Variants in ARF1 observed in about 807,000 individuals in gnomAD.
ARF1 encodes the protein ADP-ribosylation factor 1.
In ARF1, 1 loss-of-function variant was observed where a neutral mutation model predicts 18.0. The ratio of observed to expected loss-of-function variants is 0.06; its 90% CI spans 0.02 to 0.26. The LOEUF is 0.26. ARF1 is among the 10% of genes least tolerant of loss of function. ARF1 has a pLI of 1.00. For synonymous variants in ARF1, 112 were observed against 96.3 expected (o/e 1.16, Z -0.95); for missense variants, 73 against 247.2 (o/e 0.30, Z 4.73).
Position 228,089,086 on chromosome 1 carries a change from A to G in ARF1, c.-38+6321A>G, listed in dbSNP as rs1453913838. ...AGGGAGGCTACTCGCATCACAGCGGAGAATGCCTGTTGGGTTTGGGAGGGG... is the reference window on the plus strand; with the variant it reads ...AGGGAGGCTACTCGCATCACAGCGGGGAATGCCTGTTGGGTTTGGGAGGGG... On this transcript the variant is annotated intron_variant, in intron 1 of 4. Transcript: ENST00000272102. The surrounding 1 kb of genome is among the most constrained non-coding windows in gnomAD (Gnocchi z 4.1). 6.6e-6 allele frequency among the ~76,000 whole-genome samples: 1 copy of G among 152,086 alleles called. No homozygotes were observed. The highest frequency in any genetic ancestry group is 6.5e-5 in the Admixed American group (1 of 15,276).
At chr1:228,091,605 TC>T (rs2032578995) in intron 1 of ARF1, among the ~76,000 whole-genome samples, 1 of 152,152 alleles carries the variant, frequency 6.6e-6, no homozygotes, top group African/African-American at 2.4e-5. Flanking sequence ...TGTCTTCCCC[TC>T]TGAGCATGCC....
Position 228,089,716 on chromosome 1 carries a change from A to T in ARF1, c.-38+6951A>T, listed in dbSNP as rs1023706158. Among the ~76,000 whole-genome samples, 10 of 152,040 alleles carry T rather than the reference A, an allele frequency of 6.6e-5. No homozygotes were observed. Among genetic ancestry groups the T allele is most frequent in the African/African-American group, 2.4e-4 (10 of 41,404 alleles). On this transcript the variant is annotated intron_variant, in intron 1 of 4. Coordinates refer to ENST00000272102, the MANE Select transcript of ARF1 (RefSeq NM_001658.4). This position sits in a 1 kb window ranked among gnomAD's most constrained non-coding sequence, Gnocchi z 4.1. ...GCAACTTGCTCTCCCAGTTTATGAC[A>T]GCAACACCAGCAGTGTGCTGTTCCA...
At chr1:228,091,270 T>C (rs748377047) in intron 1 of ARF1, among the ~76,000 whole-genome samples, 18 of 152,186 alleles carry the variant, frequency 1.2e-4, no homozygotes, top group Non-Finnish European at 2.4e-4. Context: ...ATTTCACTGA[T>C]TGCCCCACCT....
At chr1:228,086,394 T>C (rs773742657) in intron 1 of ARF1, among the ~76,000 whole-genome samples, 2 of 151,748 alleles carry the variant, frequency 1.3e-5, no homozygotes, top group Non-Finnish European at 2.9e-5. Flanking sequence ...TGTGCACCTG[T>C]AGTCCCAGCT....
At chr1:228,092,303 C>T (rs1327842297) in intron 1 of ARF1, among the ~76,000 whole-genome samples, 4 of 152,124 alleles carry the variant, frequency 2.6e-5, no homozygotes, top group Admixed American at 1.3e-4. Flanking sequence ...TAAAAATCAG[C>T]TAGGCATGGT....
At chr1:228,095,396 C>T (rs1241689289) in intron 1 of ARF1, among the ~76,000 whole-genome samples, 3 of 152,148 alleles carry the variant, frequency 2.0e-5, no homozygotes, top group Non-Finnish European at 2.9e-5. Context: ...CATGGCTCAG[C>T]GCAGGCCTAA....
In ARF1 at chr1:228,089,050, T is replaced by G. The variant is rs1436101048; in HGVS notation, c.-38+6285T>G. 6.6e-6 allele frequency among the ~76,000 whole-genome samples: 1 copy of G among 152,070 alleles called. No homozygotes were observed. Among genetic ancestry groups the G allele is most frequent in the East Asian group, 1.9e-4 (1 of 5,194 alleles). On this transcript the variant is annotated intron_variant, in intron 1 of 4. Coordinates refer to ENST00000272102, the MANE Select transcript of ARF1 (RefSeq NM_001658.4). The surrounding 1 kb of genome is among the most constrained non-coding windows in gnomAD (Gnocchi z 4.1). ...GGAGGCTGGAGACGGGGTTCTTGCCTGGGGAACAGGAGGGAGGCTACTCGC... is the reference window on the plus strand; with the variant it reads ...GGAGGCTGGAGACGGGGTTCTTGCCGGGGGAACAGGAGGGAGGCTACTCGC...
chr1:228,090,076 G>A (rs2032529357), intron 1 of ARF1, among the ~76,000 whole-genome samples: 2 of 152,264 alleles, frequency 1.3e-5, no homozygotes, highest in Admixed American at 1.3e-4. Flanking sequence ...AGGTACAGGG[G>A]AACGCACTGC....
At chr1:228,093,759 A>C (rs912514876) in intron 1 of ARF1, among the ~76,000 whole-genome samples, 2 of 151,822 alleles carry the variant, frequency 1.3e-5, no homozygotes, top group Non-Finnish European at 2.9e-5. Context: ...CCCCGTCTCT[A>C]CTAAAAATAA....
chr1:228,092,265 A>G (rs1214969587), intron 1 of ARF1, among the ~76,000 whole-genome samples: 1 of 152,156 alleles, frequency 6.6e-6, no homozygotes, highest in Non-Finnish European at 1.5e-5. Flanking sequence ...CCTGGGCAGG[A>G]TAGCGAGACC....
At chr1:228,094,573 C>T (rs2032677818) in intron 1 of ARF1, among the ~76,000 whole-genome samples, 1 of 152,132 alleles carries the variant, frequency 6.6e-6, no homozygotes, top group African/African-American at 2.4e-5. Context: ...GTGTCCACTT[C>T]CTGCTCCAGT....
intron 1 of ARF1, among the ~76,000 whole-genome samples, chr1:228,094,312 T>A (rs2032665715): frequency 6.6e-6 from 1 of 152,088 alleles, no homozygotes; most frequent in Non-Finnish European, 1.5e-5. Flanking sequence ...TGTTAACTTG[T>A]ACAGTTAACA....
intron 1 of ARF1, among the ~76,000 whole-genome samples, chr1:228,085,143 T>C (rs980503403): frequency 1.3e-5 from 2 of 152,186 alleles, no homozygotes; most frequent in Non-Finnish European, 2.9e-5. Flanking sequence ...GAACTTGTGT[T>C]TTCTGTGTTG....
chr1:228,083,866 TG>T (rs1481996632), intron 1 of ARF1, among the ~76,000 whole-genome samples: 1 of 152,216 alleles, frequency 6.6e-6, no homozygotes, highest in Non-Finnish European at 1.5e-5. Flanking sequence ...TGAGCAGAAA[TG>T]CACTCGGAAT....
intron 1 of ARF1, among the ~76,000 whole-genome samples, chr1:228,094,195 T>G (rs1345707850): frequency 6.6e-6 from 1 of 152,158 alleles, no homozygotes; most frequent in Non-Finnish European, 1.5e-5. Flanking sequence ...CCAAGTGCTG[T>G]GCTTCAGTGG....
chr1:228,083,699 C>T lies in ARF1; in HGVS notation c.-38+934C>T, dbSNP rs79077765. 2.3e-3 allele frequency among the ~76,000 whole-genome samples: 343 copies of T among 152,360 alleles called. 3 individuals are homozygous for T. Among genetic ancestry groups the T allele is most frequent in the African/African-American group, 8.1e-3 (336 of 41,592 alleles). ...CTCGCAGACTCTAGGCCGCAGAGGCCGGCCCCAGCGCTCTCTCGGAGCACA... is the reference window on the plus strand; with the variant it reads ...CTCGCAGACTCTAGGCCGCAGAGGCTGGCCCCAGCGCTCTCTCGGAGCACA... On this transcript the variant is annotated intron_variant, in intron 1 of 4. Coordinates refer to ENST00000272102, the MANE Select transcript of ARF1 (RefSeq NM_001658.4).
At chr1:228,086,254 G>A (rs1212486547) in intron 1 of ARF1, among the ~76,000 whole-genome samples, 1 of 152,184 alleles carries the variant, frequency 6.6e-6, no homozygotes, top group East Asian at 1.9e-4. Flanking sequence ...AGTGCCTCAC[G>A]CCTGTAATCC....
rs115403594 is a variant in ARF1 at position 228,093,042 on chromosome 1, C to T, written c.-37-4036C>T. Reference sequence around the variant, plus strand: ...TTTTCCTCAGAGTTGGAGCCCACAGCGTGGTCAGGAAAGAGAAGTAGCCAC... The same window carrying T: ...TTTTCCTCAGAGTTGGAGCCCACAGTGTGGTCAGGAAAGAGAAGTAGCCAC... On this transcript the variant is annotated intron_variant, in intron 1 of 4. Transcript: ENST00000272102. Among the ~76,000 whole-genome samples, 994 of 152,244 alleles carry T rather than the reference C, an allele frequency of 6.5e-3. 4 individuals carry two copies. The highest frequency in any genetic ancestry group is 0.011 in the Admixed American group (170 of 15,296).
At position 228,097,586 on chromosome 1, in the gene ARF1, G is replaced by C; in HGVS notation, c.260-5G>C. On this transcript the variant is annotated splice_region_variant and splice_polypyrimidine_tract_variant and intron_variant, in intron 3 of 4. Transcript: ENST00000272102. This position sits in a 1 kb window ranked among gnomAD's most constrained non-coding sequence, Gnocchi z 8.1. ...CATGACCATTTGACACTGGCTGCCCGGCAGGCCTGATCTTCGTGGTGGACA... is the reference window on the plus strand; with the variant it reads ...CATGACCATTTGACACTGGCTGCCCCGCAGGCCTGATCTTCGTGGTGGACA... The C allele has an allele frequency of 6.2e-7, 1 of 1,614,004 alleles. No homozygotes were observed. Among genetic ancestry groups the C allele is most frequent in the Non-Finnish European group, 8.5e-7 (1 of 1,179,990 alleles).
Sources: allele counts gnomAD v4.1 joint callset (sites outside exome capture counted in the v4.1 genomes callset), GRCh38; gene constraint gnomAD v4.1.1; non-coding constraint Gnocchi (gnomAD v3.1); transcripts MANE v1.5; gene names NCBI Gene and HGNC (gene_info 2026-07-23, HGNC 2026-07-21).